The following DSCAM variants were observed in gnomAD, a reference collection of about 807,000 sequenced individuals.
DSCAM encodes the protein DS cell adhesion molecule, also known as cell adhesion molecule DSCAM.
A neutral mutation model predicts 217.7 loss-of-function variants in DSCAM; 47 were observed. The ratio of observed to expected loss-of-function variants is 0.22; its 90% CI spans 0.17 to 0.28. The LOEUF (loss-of-function observed/expected upper bound fraction) is 0.28. DSCAM is among the 10% of genes least tolerant of loss of function. The pLI, the probability that DSCAM is intolerant of heterozygous loss-of-function variation, is 1.00. For missense variants in DSCAM, 2,080 were observed against 2,618.3 expected (o/e 0.79, Z 4.49); for synonymous variants, 1,056 against 1,015.3 (o/e 1.04, Z -0.76).
intron 3 of DSCAM, among the ~76,000 whole-genome samples, chr21:40,375,751 G>C (rs1272299822): frequency 6.6e-6 from 1 of 152,162 alleles, no homozygotes; most frequent in Non-Finnish European, 1.5e-5. Flanking sequence ...TTTGTTGAAT[G>C]CATGCATGGG....
At chr21:40,771,300 C>T (rs2091442974) in intron 1 of DSCAM, among the ~76,000 whole-genome samples, 1 of 152,176 alleles carries the variant, frequency 6.6e-6, no homozygotes, top group Non-Finnish European at 1.5e-5. Flanking sequence ...CTGGGTTCCT[C>T]TTCAGGCTGC....
intron 1 of DSCAM, among the ~76,000 whole-genome samples, chr21:40,822,504 T>C (rs2091937942): frequency 6.6e-6 from 1 of 151,980 alleles, no homozygotes; most frequent in South Asian, 2.1e-4. Flanking sequence ...CCTAATGAAA[T>C]GGCCAACTAA....
intron 1 of DSCAM, among the ~76,000 whole-genome samples, chr21:40,845,533 T>TTC (rs2092136769): frequency 2.5e-5 from 3 of 121,548 alleles, no homozygotes; most frequent in Admixed American, 8.2e-5. Context: ...TTACCTTCTC[T>TTC]TCTTCTCCTC....
At chr21:40,818,456 G>A (rs190814590) in intron 1 of DSCAM, among the ~76,000 whole-genome samples, 1,497 of 145,724 alleles carry the variant, frequency 0.01, 91 homozygotes, top group Admixed American at 0.095. Flanking sequence ...TGAGGCAGGA[G>A]AATGGCCTGA....
chr21:40,456,288 G>GA (rs199856260), intron 3 of DSCAM, among the ~76,000 whole-genome samples: 20 of 151,236 alleles, frequency 1.3e-4, no homozygotes, highest in Non-Finnish European at 2.4e-4. Context: ...ATTATAATTA[G>GA]AAAAAAAATT....
intron 1 of DSCAM, among the ~76,000 whole-genome samples, chr21:40,842,746 G>T (rs2092113312): frequency 6.6e-6 from 1 of 152,180 alleles, no homozygotes; most frequent in African/African-American, 2.4e-5. Context: ...GTCAAAATTA[G>T]TTCCCCTACC....
intron 8 of DSCAM, among the ~76,000 whole-genome samples, chr21:40,321,993 G>C (rs1362917275): frequency 6.6e-6 from 1 of 152,090 alleles, no homozygotes; most frequent in Non-Finnish European, 1.5e-5. Flanking sequence ...AGCTTTTCTT[G>C]GACATTCTTT....
rs141097473 is a variant in DSCAM, at chr21:40,345,410, T to C, written c.1210+2260A>G. ...GATTTTGGTGTCTCTCAAATGTCTA[T>C]ATATACTTTTGCTTTTCCCAAAGTT... On this transcript the variant is annotated intron_variant, in intron 6 of 32. Transcript: ENST00000400454. 6.3e-3 allele frequency among the ~76,000 whole-genome samples: 958 copies of C among 152,302 alleles called. 14 individuals carry two copies. Among genetic ancestry groups the C allele is most frequent in the African/African-American group, 0.022 (908 of 41,570 alleles).
intron 9 of DSCAM, among the ~76,000 whole-genome samples, 161 bp from the exon 10 acceptor site, chr21:40,296,335 G>A (rs1458265483): frequency 6.6e-6 from 1 of 152,190 alleles, no homozygotes; most frequent in African/African-American, 2.4e-5. Flanking sequence ...GACAAATTAA[G>A]GGAGTAATTT....
In DSCAM at chr21:40,216,955, G is replaced by A. The variant is rs544248744; in HGVS notation, c.2357-27717C>T. Among the ~76,000 whole-genome samples, 174 of 152,296 alleles carry A rather than the reference G, an allele frequency of 1.1e-3. 2 individuals carry two copies. In the South Asian group the frequency reaches 0.014, roughly 13 times the overall value. On this transcript the variant is annotated intron_variant, in intron 11 of 32. Coordinates refer to ENST00000400454, the MANE Select transcript of DSCAM (RefSeq NM_001389.5). ...TCACCCTAAGTAGAAAACAAAGATGGCTGTGTCTGAAAAACTGAACACAAC... is the reference window on the plus strand; with the variant it reads ...TCACCCTAAGTAGAAAACAAAGATGACTGTGTCTGAAAAACTGAACACAAC...
At chr21:40,493,826 G>C (rs2076095019) in intron 3 of DSCAM, among the ~76,000 whole-genome samples, 1 of 144,476 alleles carries the variant, frequency 6.9e-6, no homozygotes, top group African/African-American at 2.5e-5. Flanking sequence ...TCGTGCCATT[G>C]CACTCCAGCT....
chr21:40,722,770 C>A (rs367983937), intron 1 of DSCAM, among the ~76,000 whole-genome samples: 2 of 151,854 alleles, frequency 1.3e-5, no homozygotes, highest in Non-Finnish European at 2.9e-5. Flanking sequence ...CCTAACTATA[C>A]GCTATCCAGG....
At chr21:40,709,307 C>T (rs1274135237) in intron 1 of DSCAM, among the ~76,000 whole-genome samples, 1 of 152,190 alleles carries the variant, frequency 6.6e-6, no homozygotes, top group East Asian at 1.9e-4. Flanking sequence ...AAATTTGCCA[C>T]ATTTTTAATT....
chr21:40,694,642 C>A (rs2090576363), intron 2 of DSCAM, among the ~76,000 whole-genome samples: 1 of 151,684 alleles, frequency 6.6e-6, no homozygotes, highest in African/African-American at 2.4e-5. Context: ...CTTCTGCGAC[C>A]CCCATCACTG....
chr21:40,029,376 A>C (rs992106494), intron 32 of DSCAM, among the ~76,000 whole-genome samples: 5 of 151,074 alleles, frequency 3.3e-5, no homozygotes, highest in African/African-American at 9.7e-5. Context: ...TGGGCCCCAG[A>C]CACAAGGTTA....
intron 15 of DSCAM, among the ~76,000 whole-genome samples, chr21:40,177,846 C>T (rs917535662): frequency 6.6e-6 from 1 of 152,152 alleles, no homozygotes; most frequent in Non-Finnish European, 1.5e-5. Flanking sequence ...GGGAAGGAAG[C>T]CAAGATCAAC....
intron 1 of DSCAM, among the ~76,000 whole-genome samples, chr21:40,743,354 C>T (rs1008528618): frequency 1.1e-4 from 16 of 152,198 alleles, no homozygotes; most frequent in Non-Finnish European, 4.4e-5. Context: ...CTGGCAACAA[C>T]TTTGCTATAT....
At chr21:40,038,003 T>C (rs1012012014) in intron 32 of DSCAM, among the ~76,000 whole-genome samples, 4 of 146,872 alleles carry the variant, frequency 2.7e-5, no homozygotes, top group South Asian at 2.2e-4. Context: ...TTACACCTTA[T>C]ACAAAAATCA....
intron 3 of DSCAM, among the ~76,000 whole-genome samples, chr21:40,410,151 T>C (rs937833442): frequency 3.9e-5 from 6 of 151,958 alleles, no homozygotes; most frequent in Non-Finnish European, 7.4e-5. Context: ...TAAATGGAAA[T>C]AGAATATAAA....
Sources: gnomAD v4.1 joint callset for allele counts (sites outside exome capture counted in the v4.1 genomes callset) on GRCh38, gnomAD v4.1.1 for gene constraint, MANE v1.5 for transcripts, NCBI Gene and HGNC (gene_info 2026-07-23, HGNC 2026-07-21) for gene names.